Variants in LMAN2L observed in about 807,000 individuals in gnomAD.
LMAN2L encodes the protein lectin, mannose binding 2 like, also known as VIP36-like protein.
A neutral mutation model predicts 44.3 loss-of-function variants in LMAN2L; 30 were observed. That is an observed-to-expected ratio of 0.68 (90% confidence interval 0.51 to 0.92). The LOEUF (loss-of-function observed/expected upper bound fraction) is 0.92, where lower values mean the gene tolerates loss of function less well. Ranked by LOEUF, LMAN2L falls within the 40% of genes least tolerant of loss-of-function variation. LMAN2L has a pLI of 0.00. For synonymous variants in LMAN2L, 183 were observed against 171.1 expected (o/e 1.07, Z -0.54); for missense variants, 429 against 446.1 (o/e 0.96, Z 0.35).
intron 4 of LMAN2L, among the ~76,000 whole-genome samples, chr2:96,729,755 C>T (rs2078354493): frequency 6.6e-6 from 1 of 152,174 alleles, no homozygotes; most frequent in Admixed American, 6.6e-5. Context: ...ATCTGCCCGC[C>T]TCAGCCTCCC....
intron 3 of LMAN2L, among the ~76,000 whole-genome samples, 181 bp downstream of exon 3, chr2:96,734,228 A>C (rs915350203): frequency 6.6e-6 from 1 of 152,214 alleles, no homozygotes; most frequent in Non-Finnish European, 1.5e-5. Flanking sequence ...AGGATGAGTC[A>C]AATTCAGCTG....
chr2:96,734,625 G>A, intron 2 of LMAN2L, 99 bp from the exon 3 acceptor site: 1 of 773,216 alleles, frequency 1.3e-6, no homozygotes, highest in Non-Finnish European at 2.3e-6. Context: ...ACAAATGCAG[G>A]TAACACTAGA....
chr2:96,733,016 T>C (rs2078438327), intron 4 of LMAN2L, among the ~76,000 whole-genome samples: 2 of 152,318 alleles, frequency 1.3e-5, no homozygotes, highest in South Asian at 4.1e-4. Flanking sequence ...CCCAAAGTGC[T>C]GGGCTTACAG....
chr2:96,724,322 AT>A (rs1331327037), intron 4 of LMAN2L, among the ~76,000 whole-genome samples: 2 of 152,172 alleles, frequency 1.3e-5, no homozygotes, highest in Non-Finnish European at 2.9e-5. Flanking sequence ...TTGAATTTCC[AT>A]ATGGATGTTA....
At chr2:96,717,531 C>CG (rs1375048630) in intron 4 of LMAN2L, among the ~76,000 whole-genome samples, 1 of 91,430 alleles carries the variant, frequency 1.1e-5, no homozygotes, top group Non-Finnish European at 2.0e-5. Flanking sequence ...AACCCTGTGT[C>CG]GGAAAAAAAA....
rs535655007 is a variant in LMAN2L at position 96,739,739 on chromosome 2, C to G, written c.187+115G>C. Reference sequence around the variant, plus strand: ...CGGAGGGAGTCTCCGTGGGCCCCACCACCGCCAGCAGTTTCCTCCGGGCCA... The same window carrying G: ...CGGAGGGAGTCTCCGTGGGCCCCACGACCGCCAGCAGTTTCCTCCGGGCCA... On this transcript the variant is annotated intron_variant, in intron 1 of 7. Transcript: ENST00000264963. 6.0e-4 allele frequency: 655 copies of G among 1,090,060 alleles called. 9 individuals carry two copies. In the East Asian group the frequency reaches 0.015, roughly 26 times the overall value. The allele number at this position is 1,090,060 out of a possible 1,614,324, so 67.5% of individuals were successfully genotyped here.
intron 4 of LMAN2L, among the ~76,000 whole-genome samples, chr2:96,723,649 GT>G (rs2078206271): frequency 6.6e-6 from 1 of 151,856 alleles, no homozygotes; most frequent in African/African-American, 2.4e-5. Context: ...AAGTTTTATA[GT>G]TTTAATTTTT....
At chr2:96,713,099 C>T (rs1368083483) in intron 4 of LMAN2L, 1 of 1,550,802 alleles carries the variant, frequency 6.4e-7, no homozygotes, top group African/African-American at 1.4e-5. Flanking sequence ...GAGCCAAGAA[C>T]TGAGTACCTG....
chr2:96,713,038 A>G, intron 4 of LMAN2L: 1 of 1,393,878 alleles, frequency 7.2e-7, no homozygotes, highest in Non-Finnish European at 1.0e-6. Context: ...CATGGACTTG[A>G]AACAGCAACA....
At chr2:96,713,050 A>G in intron 4 of LMAN2L, 2 of 1,470,700 alleles carry the variant, frequency 1.4e-6, no homozygotes, top group Non-Finnish European at 1.9e-6. Flanking sequence ...ACAGCAACAA[A>G]TGTTGGATGG....
At chr2:96,709,769 A>C (rs983903259) in intron 6 of LMAN2L, among the ~76,000 whole-genome samples, 5 of 152,270 alleles carry the variant, frequency 3.3e-5, no homozygotes, top group Non-Finnish European at 5.9e-5. Flanking sequence ...GATGGCAACA[A>C]GAAAGACCTC....
chr2:96,712,810 G>A (rs2077956401), intron 4 of LMAN2L, among the ~76,000 whole-genome samples: 1 of 152,214 alleles, frequency 6.6e-6, no homozygotes, highest in Non-Finnish European at 1.5e-5. Flanking sequence ...CTCCCCAGTA[G>A]AGTTGTAGGA....
intron 2 of LMAN2L, among the ~76,000 whole-genome samples, chr2:96,735,913 T>G (rs1423241489): frequency 6.6e-6 from 1 of 150,502 alleles, no homozygotes; most frequent in Non-Finnish European, 1.5e-5. Flanking sequence ...TTTGAGAGGC[T>G]TTGGTGGAGG....
At chr2:96,724,237 T>C (rs2078221341) in intron 4 of LMAN2L, among the ~76,000 whole-genome samples, 1 of 152,232 alleles carries the variant, frequency 6.6e-6, no homozygotes, top group Non-Finnish European at 1.5e-5. Flanking sequence ...AGCTTTGTAG[T>C]AAGTTTTGAA....
At chr2:96,710,503 T>A (rs1226486204) in intron 6 of LMAN2L, among the ~76,000 whole-genome samples, 1 of 152,080 alleles carries the variant, frequency 6.6e-6, no homozygotes, top group African/African-American at 2.4e-5. Flanking sequence ...CCGTTTCTAC[T>A]AAAAATACAA....
Position 96,711,560 on chromosome 2 carries a change from C to T in LMAN2L, c.784+96G>A, listed in dbSNP as rs561326616. 130 of 785,552 alleles carry T rather than the reference C, an allele frequency of 1.7e-4. 2 individuals are homozygous for T. In the African/African-American group the frequency reaches 1.7e-3, roughly 10 times the overall value. 48.7% of individuals were successfully genotyped at this position (785,552 alleles called of 1,614,324 possible). A position where few individuals can be genotyped will look rare whatever the true frequency, so the allele number is the denominator to read the frequency against. On this transcript the variant is annotated intron_variant, in intron 6 of 7. Transcript: ENST00000264963. The stretch of plus-strand genomic sequence containing the variant: ...CTTGAGGCACCTCCTTCCAGAGCAC[C>T]GCTCCTCTGGCTCTCCCCTGTGAGA...
At chr2:96,718,049 G>A (rs1428442582) in intron 4 of LMAN2L, among the ~76,000 whole-genome samples, 11 of 151,830 alleles carry the variant, frequency 7.2e-5, no homozygotes, top group South Asian at 2.1e-4. Flanking sequence ...TCCACCTCCC[G>A]GGTTCAAGCG....
At chr2:96,728,228 C>T (rs921748940) in intron 4 of LMAN2L, among the ~76,000 whole-genome samples, 8 of 152,330 alleles carry the variant, frequency 5.3e-5, no homozygotes, top group African/African-American at 1.9e-4. Flanking sequence ...TGGCTCACGC[C>T]TGTAATCCCA....
chr2:96,716,340 G>T (rs1191167899), intron 4 of LMAN2L, among the ~76,000 whole-genome samples: 1 of 152,070 alleles, frequency 6.6e-6, no homozygotes, highest in Non-Finnish European at 1.5e-5. Flanking sequence ...TTAAGAAAAA[G>T]AACTTCATTA....
Sources: allele counts gnomAD v4.1 joint callset (sites outside exome capture counted in the v4.1 genomes callset), GRCh38; gene constraint gnomAD v4.1.1; transcripts MANE v1.5; gene names NCBI Gene and HGNC (gene_info 2026-07-23, HGNC 2026-07-21).